EVC2: variants seen among roughly 807,000 people sequenced by gnomAD.
EVC2 encodes limbin.
EVC2 carries 148 observed loss-of-function variants against 149.3 expected under a neutral mutation model. That is an observed-to-expected ratio of 0.99 (90% CI 0.87 to 1.14). EVC2 has a LOEUF of 1.14. Among genes scored for constraint, EVC2 ranks in the 50% most tolerant of loss-of-function variants. The pLI, the probability that EVC2 is intolerant of heterozygous loss-of-function variation, is 0.00. For synonymous variants in EVC2, 776 were observed against 649.9 expected, an observed-to-expected ratio of 1.19 and a Z score of -2.95; for missense variants, 1,854 against 1,627.3, an observed-to-expected ratio of 1.14 and a Z score of -2.40.
Position 5,575,729 on chromosome 4 carries a change from T to C in EVC2, c.3272+511A>G, listed in dbSNP as rs1304694820. Among the ~76,000 whole-genome samples the C allele has an allele frequency of 3.3e-5, 5 of 152,238 alleles. No homozygotes were observed. The East Asian group carries it at 7.7e-4, about 23-fold the overall frequency. On this transcript the variant is annotated intron_variant, in intron 18 of 21. Coordinates refer to ENST00000344408, the MANE Select transcript of EVC2 (RefSeq NM_147127.5). ...TCTTAATGCCACAGCCAAGGCTAAG[T>C]GCCTAATGTGAATTGAAAAACAACG...
intron 9 of EVC2, among the ~76,000 whole-genome samples, chr4:5,652,607 A>G (rs1718225859): frequency 6.6e-6 from 1 of 152,150 alleles, no homozygotes; most frequent in Non-Finnish European, 1.5e-5. Context: ...TCCAGCCGGC[A>G]AGGGCTTGGA....
rs1485888537 is a variant in EVC2 at position 5,562,730 on chromosome 4, GC to G, written c.*117del. 1 of 1,589,484 alleles carries G rather than the reference GC, an allele frequency of 6.3e-7. No individual in the cohort carries two copies. Among genetic ancestry groups the G allele is most frequent in the African/African-American group, 1.3e-5 (1 of 74,590 alleles). On this transcript the variant is annotated 3_prime_UTR_variant, in exon 22 of 22. Coordinates refer to ENST00000344408, the MANE Select transcript of EVC2 (RefSeq NM_147127.5). The surrounding 1 kb of genome is among the most constrained non-coding windows in gnomAD (Gnocchi z 4.3). Reference sequence around the variant, plus strand: ...AGTTGGCATGCGCTACGGGGTCTGTGCCTTCTGCATGTGCAATTTATATTTG... The same window carrying G: ...AGTTGGCATGCGCTACGGGGTCTGTGCTTCTGCATGTGCAATTTATATTTG...
intron 16 of EVC2, among the ~76,000 whole-genome samples, chr4:5,589,003 T>A (rs1287020027): frequency 6.6e-6 from 1 of 152,212 alleles, no homozygotes; most frequent in Non-Finnish European, 1.5e-5. Flanking sequence ...TGGTTTCAAT[T>A]GATTGATTTT....
At chr4:5,560,588 G>A (rs753708152), downstream of EVC2, among the ~76,000 whole-genome samples, 5 of 152,170 alleles carry the variant, frequency 3.3e-5, no homozygotes, top group Non-Finnish European at 5.9e-5. The surrounding 1 kb of genome is among the most constrained non-coding windows in gnomAD (Gnocchi z 4.1). Context: ...CCCTTGACAC[G>A]TGGGGATTAT....
At chr4:5,580,136 T>C (rs1006330815) in intron 17 of EVC2, among the ~76,000 whole-genome samples, 1 of 152,244 alleles carries the variant, frequency 6.6e-6, no homozygotes, top group African/African-American at 2.4e-5. Context: ...TTTCATGCTT[T>C]TTTAATTCTC....
At chr4:5,566,706 T>C (rs996260562) in intron 20 of EVC2, among the ~76,000 whole-genome samples, 1 of 152,054 alleles carries the variant, frequency 6.6e-6, no homozygotes, top group Non-Finnish European at 1.5e-5. Flanking sequence ...ATGCCCATGG[T>C]GACATTGACC....
intron 11 of EVC2, among the ~76,000 whole-genome samples, chr4:5,629,796 T>C (rs1171324904): frequency 6.6e-6 from 1 of 152,206 alleles, no homozygotes; most frequent in Non-Finnish European, 1.5e-5. Context: ...ACAGCAATGT[T>C]CCTGCTCTCC....
intron 9 of EVC2, among the ~76,000 whole-genome samples, chr4:5,647,391 A>G (rs1448217732): frequency 6.6e-6 from 1 of 152,162 alleles, no homozygotes; most frequent in Non-Finnish European, 1.5e-5. Context: ...TGATGCTCGA[A>G]TTTTACCATC....
At chr4:5,663,429 G>A (rs530358810) in intron 8 of EVC2, among the ~76,000 whole-genome samples, 183 bp from the exon 9 acceptor site, 43 of 152,184 alleles carry the variant, frequency 2.8e-4, no homozygotes, top group African/African-American at 1.0e-3. Context: ...TCTCTGCAAA[G>A]AAATGGGATC....
At chr4:5,533,080 G>A in the EVC2 span, among the ~76,000 whole-genome samples, 3 of 151,082 alleles carry the variant, frequency 2.0e-5, no homozygotes, top group Admixed American at 6.6e-5. Flanking sequence ...ATTTCTCATG[G>A]AGCCGTCATT....
chr4:5,680,516 G>A (rs73200119), intron 7 of EVC2, among the ~76,000 whole-genome samples: 9 of 152,236 alleles, frequency 5.9e-5, no homozygotes, highest in African/African-American at 1.4e-4. Flanking sequence ...ATTATGTGGC[G>A]CGTGACTGTA....
rs940293607 is a variant in EVC2 at position 5,552,355 on chromosome 4, T to C, written c.3420-9143A>G. 5.3e-5 allele frequency among the ~76,000 whole-genome samples: 8 copies of C among 152,244 alleles called. No individual in the cohort carries two copies. The South Asian group carries it at 6.2e-4, about 12-fold the overall frequency. On this transcript the variant is annotated intron_variant and NMD_transcript_variant, in intron 21 of 22. Transcript: ENST00000475313. ...CATTTTTATTTAAAGCTGAGCCATA[T>C]AGTGCATTTGAATTAAATTTCCTTC...
At chr4:5,674,684 C>T (rs1201744160) in intron 7 of EVC2, among the ~76,000 whole-genome samples, 4 of 152,058 alleles carry the variant, frequency 2.6e-5, no homozygotes, top group African/African-American at 7.2e-5. Context: ...AAAACCAGAG[C>T]GTAATGGAAA....
chr4:5,680,196 T>C (rs1041896015), intron 7 of EVC2, among the ~76,000 whole-genome samples: 2 of 152,180 alleles, frequency 1.3e-5, no homozygotes, highest in African/African-American at 4.8e-5. Flanking sequence ...TATTTCGGAT[T>C]TGATCAGTGG....
chr4:5,643,590 G>A (rs781467803), intron 9 of EVC2, among the ~76,000 whole-genome samples: 16 of 152,228 alleles, frequency 1.1e-4, no homozygotes, highest in Non-Finnish European at 1.9e-4. Flanking sequence ...GGCAGAGGTA[G>A]AGTGCGACTA....
At chr4:5,547,349 G>A (rs527519517) in intron 21 of EVC2, among the ~76,000 whole-genome samples, 23 of 152,354 alleles carry the variant, frequency 1.5e-4, no homozygotes, top group South Asian at 6.2e-4. Flanking sequence ...CAGCCTGGGC[G>A]CCATGAATGG....
At chr4:5,705,774 C>A (rs1272370065) in intron 1 of EVC2, among the ~76,000 whole-genome samples, 1 of 152,038 alleles carries the variant, frequency 6.6e-6, no homozygotes, top group Non-Finnish European at 1.5e-5. Context: ...GTAAGTAATA[C>A]CTCAGTATTA....
chr4:5,668,850 T>G (rs575886502), intron 7 of EVC2, among the ~76,000 whole-genome samples: 194 of 152,216 alleles, frequency 1.3e-3, no homozygotes, highest in Non-Finnish European at 1.6e-3. Context: ...CAAAAAGACA[T>G]GTTGAAGTCC....
intron 17 of EVC2, among the ~76,000 whole-genome samples, chr4:5,581,811 G>A (rs1303875700): frequency 6.6e-6 from 1 of 152,286 alleles, no homozygotes; most frequent in East Asian, 1.9e-4. Flanking sequence ...CCTGGGCCAG[G>A]CCCAGTGCCC....
Sources: allele counts gnomAD v4.1 joint callset (sites outside exome capture counted in the v4.1 genomes callset), GRCh38; gene constraint gnomAD v4.1.1; non-coding constraint Gnocchi (gnomAD v3.1); transcripts MANE v1.5; gene names NCBI Gene and HGNC (gene_info 2026-07-23, HGNC 2026-07-21).